The following ST6GALNAC4 variants were observed in gnomAD, a reference collection of about 807,000 sequenced individuals.
The protein encoded by ST6GALNAC4 is ST6 N-acetylgalactosaminide alpha-2,6-sialyltransferase 4.
In ST6GALNAC4, 24 loss-of-function variants were observed where a neutral mutation model predicts 30.4. That is an observed-to-expected ratio of 0.79 (90% confidence interval 0.57 to 1.11). The LOEUF (loss-of-function observed/expected upper bound fraction) is 1.11, where lower values mean the gene tolerates loss of function less well. Among genes scored for constraint, ST6GALNAC4 ranks in the 50% most tolerant of loss-of-function variants. The pLI is 0.00. For synonymous variants in ST6GALNAC4, 156 were observed against 179.7 expected (o/e 0.87, Z 1.05); for missense variants, 365 against 430.1 (o/e 0.85, Z 1.34).
rs774812781 is a variant in ST6GALNAC4 at position 127,910,648 on chromosome 9, C to T, written c.612-590G>A. The T allele has an allele frequency of 1.5e-4, 152 of 983,216 alleles. No homozygotes were observed. The Middle Eastern group carries it at 1.6e-3, about 10-fold the overall frequency. The allele number at this position is 983,216 out of a possible 1,614,324, so 60.9% of individuals were successfully genotyped here. ...GGCTAGGTGGTGGCCCCAGCCTCAG[C>T]TCCCTGGAGGCAGCAGCCCTGGGTA... On this transcript the variant is annotated intron_variant, in intron 4 of 5. Transcript: ENST00000335791.
chr9:127,914,489 T>A (rs1274661575), intron 3 of ST6GALNAC4, among the ~76,000 whole-genome samples, 167 bp downstream of exon 3: 6 of 3,380 alleles, frequency 1.8e-3, no homozygotes, highest in Non-Finnish European at 5.9e-3. Flanking sequence ...AGACTCCGTC[T>A]CAAAAAAAAA....
intron 3 of ST6GALNAC4, 138 bp downstream of exon 3, chr9:127,914,518 A>G: frequency 3.9e-6 from 2 of 506,798 alleles, no homozygotes; most frequent in East Asian, 3.6e-5. Context: ...AAAAAAAAAA[A>G]AGAACCTAGG....
intron 2 of ST6GALNAC4, 50 bp downstream of exon 2, chr9:127,916,358 G>A (rs987544189): frequency 4.3e-6 from 7 of 1,613,156 alleles, no homozygotes; most frequent in Middle Eastern, 1.6e-4. Flanking sequence ...GAGCTGCTCC[G>A]CCAGTCGGGG....
intron 3 of ST6GALNAC4, among the ~76,000 whole-genome samples, chr9:127,913,342 T>G (rs545862244): frequency 5.8e-4 from 89 of 152,298 alleles, no homozygotes; most frequent in African/African-American, 2.1e-3. Context: ...CCCAGCACTT[T>G]GGGAGGCCAA....
intron 4 of ST6GALNAC4, among the ~76,000 whole-genome samples, chr9:127,911,232 G>C (rs1320604431): frequency 1.3e-5 from 2 of 152,176 alleles, no homozygotes; most frequent in Non-Finnish European, 2.9e-5. Flanking sequence ...CCTAAGTCAA[G>C]GTGGCAGCCA....
intron 3 of ST6GALNAC4, among the ~76,000 whole-genome samples, chr9:127,913,915 C>T (rs1340243282): frequency 6.6e-6 from 1 of 152,160 alleles, no homozygotes; most frequent in African/African-American, 2.4e-5. Flanking sequence ...CTTCACCGAG[C>T]GCATGATGGC....
Position 127,908,157 on chromosome 9 carries a change from A to G in ST6GALNAC4, c.*235T>C. 1 of 189,110 alleles carries G rather than the reference A, an allele frequency of 5.3e-6. No homozygotes were observed. The highest frequency in any genetic ancestry group is 1.1e-5 in the Non-Finnish European group (1 of 93,160). 11.7% of individuals were successfully genotyped at this position (189,110 alleles called of 1,614,324 possible). On this transcript the variant is annotated 3_prime_UTR_variant, in exon 6 of 6. Coordinates refer to ENST00000335791, the MANE Select transcript of ST6GALNAC4 (RefSeq NM_175039.4). ...TGGGGTGAGCCCCCAAATGCCGTGA[A>G]TTACTCAGGGAGTGGAGGGGGGAGA...
intron 5 of ST6GALNAC4, among the ~76,000 whole-genome samples, chr9:127,908,842 A>T (rs546523733): frequency 1.3e-5 from 2 of 152,260 alleles, no homozygotes; most frequent in East Asian, 3.9e-4. Context: ...TAAAACGCAG[A>T]TGGTCACATC....
intron 4 of ST6GALNAC4, 24 bp downstream of exon 4, chr9:127,912,244 C>T: frequency 1.3e-6 from 2 of 1,586,154 alleles, no homozygotes; most frequent in Admixed American, 1.7e-5. Flanking sequence ...CAGAGAGACC[C>T]CAGCAGGCAG....
chr9:127,912,221 A>C, intron 4 of ST6GALNAC4, 47 bp downstream of exon 4: 3 of 1,561,952 alleles, frequency 1.9e-6, no homozygotes, highest in Non-Finnish European at 1.7e-6. Context: ...CAGAGAAGGA[A>C]GGCCCCAGCT....
chr9:127,908,828 T>A (rs759930723), intron 5 of ST6GALNAC4, among the ~76,000 whole-genome samples: 1 of 152,026 alleles, frequency 6.6e-6, no homozygotes. Flanking sequence ...CAAGAGCCCG[T>A]GTGTAAAACG....
chr9:127,914,648 C>A lies in ST6GALNAC4; in HGVS notation c.198+8G>T. The A allele has an allele frequency of 6.2e-7, 1 of 1,602,734 alleles. No individual in the cohort carries two copies. ...ACCCACCCCGGATGCATTGCCTGGC[C>A]CACTCACCTTCCCATCTGGCACACT... On this transcript the variant is annotated splice_region_variant and intron_variant, in intron 3 of 5. Coordinates refer to ENST00000335791, the MANE Select transcript of ST6GALNAC4 (RefSeq NM_175039.4).
chr9:127,914,007 C>T lies in ST6GALNAC4; in HGVS notation c.198+649G>A, dbSNP rs1478293395. 5.3e-5 allele frequency among the ~76,000 whole-genome samples: 8 copies of T among 152,170 alleles called. No individual in the cohort carries two copies. In the East Asian group the frequency reaches 1.5e-3, roughly 29 times the overall value. ...AAGCATGAGAATCACTTGAATCCGG[C>T]AGGTGGAGGTTGCAGTGAGCTGAGA... On this transcript the variant is annotated intron_variant, in intron 3 of 5. Transcript: ENST00000335791.
At chr9:127,909,039 G>A (rs546496545) in intron 5 of ST6GALNAC4, among the ~76,000 whole-genome samples, 84 of 152,276 alleles carry the variant, frequency 5.5e-4, no homozygotes, top group African/African-American at 1.9e-3. Context: ...GGGGCACAGG[G>A]ACACCTGTCA....
At position 127,914,684 on chromosome 9, in the gene ST6GALNAC4, C is replaced by G; in HGVS notation, c.170G>C (p.Ser57Thr). ...RPTVPGPLHF[S>T]GYSSVPDGKP... ...CCCATCTGGCACACTGCTATATCCA[C>G]TGAAGTGCAGGGGTCCCGGCACAGT... is the stretch of plus-strand genomic sequence containing the variant. The change falls in exon 3 of 6, where the codon AGT becomes ACT. Residue 57 changes from serine to threonine, a missense_variant. Ser to Thr is a moderately conservative substitution (Grantham distance 58). Coordinates refer to ENST00000335791, the MANE Select transcript of ST6GALNAC4 (RefSeq NM_175039.4). 1 of 1,613,084 alleles carries G rather than the reference C, an allele frequency of 6.2e-7. No individual in the cohort carries two copies. Among genetic ancestry groups the G allele is most frequent in the Non-Finnish European group, 8.5e-7 (1 of 1,179,530 alleles).
chr9:127,908,269 G>T lies in ST6GALNAC4; in HGVS notation c.*123C>A. ...AGAATGGGGCGGGAAGGAACCTTAG[G>T]TCCACCCAGCACGTGGCAGGAGGCA... On this transcript the variant is annotated 3_prime_UTR_variant, in exon 6 of 6. Transcript: ENST00000335791. 1.0e-6 allele frequency: 1 copy of T among 982,292 alleles called. No homozygotes were observed. The highest frequency in any genetic ancestry group is 1.4e-6 in the Non-Finnish European group (1 of 709,218). The allele number at this position is 982,292 out of a possible 1,614,324, so 60.8% of individuals were successfully genotyped here. A position where few individuals can be genotyped will look rare whatever the true frequency, so the allele number is the denominator to read the frequency against.
chr9:127,908,214 A>G lies in ST6GALNAC4; in HGVS notation c.*178T>C, dbSNP rs568265585. On this transcript the variant is annotated 3_prime_UTR_variant, in exon 6 of 6. Transcript: ENST00000335791. ...TCCCCCCTCCACTCCCCTTCAAGTC[A>G]TGAGGCCTGAGATGGCTCCAAGTGT... The G allele has an allele frequency of 3.0e-5, 10 of 337,892 alleles. No individual in the cohort carries two copies. The South Asian group carries it at 1.0e-3, about 35-fold the overall frequency. 20.9% of individuals were successfully genotyped at this position (337,892 alleles called of 1,614,324 possible).
At chr9:127,916,256 A>C in intron 2 of ST6GALNAC4, 152 bp downstream of exon 2, 1 of 981,408 alleles carries the variant, frequency 1.0e-6, no homozygotes, top group Non-Finnish European at 1.6e-6. Flanking sequence ...GGTCTGCAAG[A>C]ACAGGGTTGG....
Position 127,912,541 on chromosome 9 carries a change from G to A in ST6GALNAC4, c.338C>T (p.Ala113Val), listed in dbSNP as rs777800746. ...MNQAPTVGFE[A>V]DVGQRSTLRV... ...CAGGGTGCTGCGCTGGCCCACATCC[G>A]CCTCAAAGCCCACGGTGGGCGCCTG... The change falls in exon 4 of 6, where the codon GCG becomes GTG. Residue 113 changes from alanine (A) to valine (V), a missense_variant. By Grantham distance (64) the Ala-to-Val change is moderately conservative (BLOSUM62 0). Transcript: ENST00000335791. 5.0e-6 allele frequency: 8 copies of A among 1,613,530 alleles called. No individual in the cohort carries two copies. The highest frequency in any genetic ancestry group is 2.2e-5 in the South Asian group (2 of 91,080).
Sources: gnomAD v4.1 joint callset for allele counts (sites outside exome capture counted in the v4.1 genomes callset) on GRCh38, gnomAD v4.1.1 for gene constraint, MANE v1.5 for transcripts, NCBI Gene and HGNC (gene_info 2026-07-23, HGNC 2026-07-21) for gene names.